The following CTNNA2 variants were observed in gnomAD, a reference collection of about 807,000 sequenced individuals.
The protein encoded by CTNNA2 is catenin alpha 2.
CTNNA2 carries 42 observed loss-of-function variants against 101.0 expected under a neutral mutation model. That is an observed-to-expected ratio of 0.42 (90% CI 0.32 to 0.54). CTNNA2 has a LOEUF of 0.54. Ranked by LOEUF, CTNNA2 falls within the 20% of genes least tolerant of loss-of-function variation. The probability of loss-of-function intolerance (pLI) is 0.14; values close to 1 mark genes in which losing one functional copy is unlikely to be tolerated. For synonymous variants in CTNNA2, 450 were observed against 456.4 expected (o/e 0.99, Z 0.18); for missense variants, 871 against 1,223.1 (o/e 0.71, Z 4.29).
chr2:80,205,990 G>A (rs956726789), intron 7 of CTNNA2, among the ~76,000 whole-genome samples: 2 of 152,104 alleles, frequency 1.3e-5, no homozygotes, highest in Non-Finnish European at 2.9e-5. Context: ...TTTAGATATA[G>A]CCTTTCACAT....
intron 9 of CTNNA2, among the ~76,000 whole-genome samples, chr2:80,503,248 A>G (rs1450666648): frequency 6.6e-6 from 1 of 152,214 alleles, no homozygotes; most frequent in Non-Finnish European, 1.5e-5. Context: ...AAATCTTTCA[A>G]TCATAGGATA....
chr2:79,686,274 T>A (rs902246855), intron 2 of CTNNA2, among the ~76,000 whole-genome samples: 3 of 152,076 alleles, frequency 2.0e-5, no homozygotes, highest in Admixed American at 1.3e-4. Context: ...AGGGTTCAAC[T>A]CAGGAGAAGG....
intron 1 of CTNNA2, among the ~76,000 whole-genome samples, chr2:79,187,265 C>CTTTTTTTTTTTTTTTT (rs1156460356): frequency 1.8e-4 from 15 of 83,402 alleles, no homozygotes; most frequent in African/African-American, 7.0e-4. Context: ...CTTTTCTTTT[C>CTTTTTTTTTTTTTTTT]TTTTCTTTTT....
At chr2:79,546,523 G>A (rs926034559) in intron 1 of CTNNA2, among the ~76,000 whole-genome samples, 1 of 152,120 alleles carries the variant, frequency 6.6e-6, no homozygotes, top group Non-Finnish European at 1.5e-5. Context: ...CTGGCAAATT[G>A]CTTCTGTTTA....
chr2:80,379,276 T>C (rs557336437), intron 7 of CTNNA2, among the ~76,000 whole-genome samples: 1 of 152,296 alleles, frequency 6.6e-6, no homozygotes, highest in East Asian at 1.9e-4. Context: ...TTTTATCTCT[T>C]TGTCCATCGT....
At chr2:80,578,918 A>G (rs1695297258) in intron 13 of CTNNA2, 2 of 152,072 alleles carry the variant, frequency 1.3e-5, no homozygotes, top group African/African-American at 4.8e-5. Flanking sequence ...TAGGTGTTAT[A>G]TTTTATTATT....
chr2:80,234,769 G>T (rs1045733907), intron 7 of CTNNA2, among the ~76,000 whole-genome samples: 1 of 152,030 alleles, frequency 6.6e-6, no homozygotes, highest in Non-Finnish European at 1.5e-5. Flanking sequence ...TGAAGACAGG[G>T]GAATGGTTAA....
At chr2:79,625,336 A>G (rs1169872483) in intron 1 of CTNNA2, among the ~76,000 whole-genome samples, 1 of 152,152 alleles carries the variant, frequency 6.6e-6, no homozygotes, top group African/African-American at 2.4e-5. Context: ...GGCTCTTAAT[A>G]GTTTAAAATG....
At chr2:80,267,111 C>T (rs1178642755) in intron 7 of CTNNA2, among the ~76,000 whole-genome samples, 3 of 152,140 alleles carry the variant, frequency 2.0e-5, no homozygotes, top group Non-Finnish European at 4.4e-5. Flanking sequence ...AGACATCCTT[C>T]CCTGAGGGCT....
At chr2:79,186,185 C>T (rs1673776973) in intron 1 of CTNNA2, among the ~76,000 whole-genome samples, 1 of 152,194 alleles carries the variant, frequency 6.6e-6, no homozygotes, top group South Asian at 2.1e-4. Context: ...TCACACTTTA[C>T]ACTTGATAGT....
At chr2:80,426,867 C>T (rs910937158) in intron 9 of CTNNA2, among the ~76,000 whole-genome samples, 3 of 152,010 alleles carry the variant, frequency 2.0e-5, no homozygotes, top group Non-Finnish European at 4.4e-5. Flanking sequence ...CCACTCTATC[C>T]TTTCCTCTAG....
intron 1 of CTNNA2, among the ~76,000 whole-genome samples, chr2:79,598,824 T>C (rs547728446): frequency 2.0e-5 from 3 of 152,334 alleles, no homozygotes; most frequent in African/African-American, 7.2e-5. Context: ...GTCTAGTTTA[T>C]CAATTATTTC....
chr2:79,827,365 T>C (rs1402477610), intron 3 of CTNNA2, among the ~76,000 whole-genome samples: 1 of 152,096 alleles, frequency 6.6e-6, no homozygotes, highest in East Asian at 1.9e-4. Flanking sequence ...AGGCAAATAA[T>C]TAGAATATTT....
rs1001685781 is a variant in CTNNA2, at chr2:79,869,943, A to G, written c.585+8A>G. 17 of 1,612,886 alleles carry G rather than the reference A, an allele frequency of 1.1e-5. No homozygotes were observed. In the African/African-American group the frequency reaches 1.1e-4, roughly 10 times the overall value. On this transcript the variant is annotated splice_region_variant and intron_variant, in intron 5 of 18. Transcript: ENST00000402739. ...GCAGCAAGAAGACAACAGGTGGGAA[A>G]GATTTTAGAAATGCTAGGGGAGAAA... is the stretch of plus-strand genomic sequence containing the variant.
Position 80,072,045 on chromosome 2 carries a change from G to A in CTNNA2, c.1056+162248G>A, listed in dbSNP as rs145068856. On this transcript the variant is annotated intron_variant, in intron 7 of 18. Transcript: ENST00000402739. Reference sequence around the variant, plus strand: ...TTGACCCTTTTCAGAGTCATGCAATGCTTCTTAAGCTGGAGTCTATAGATA... The same window carrying A: ...TTGACCCTTTTCAGAGTCATGCAATACTTCTTAAGCTGGAGTCTATAGATA... 2.9e-3 allele frequency among the ~76,000 whole-genome samples: 435 copies of A among 152,250 alleles called. 3 individuals carry two copies. The highest frequency in any genetic ancestry group is 9.8e-3 in the African/African-American group (408 of 41,540).
intron 4 of CTNNA2, among the ~76,000 whole-genome samples, chr2:79,489,321 A>G (rs75170341): frequency 0.013 from 1,968 of 152,248 alleles, 82 homozygotes; most frequent in East Asian, 0.13. Flanking sequence ...AGGGTCCAGA[A>G]CCTGATTAGA....
At chr2:80,432,074 A>G (rs1681581801) in intron 9 of CTNNA2, among the ~76,000 whole-genome samples, 1 of 152,152 alleles carries the variant, frequency 6.6e-6, no homozygotes, top group African/African-American at 2.4e-5. Context: ...ACATGAAATT[A>G]ATATAAAAAT....
chr2:80,420,880 G>C (rs947574842), intron 9 of CTNNA2, among the ~76,000 whole-genome samples: 2 of 152,216 alleles, frequency 1.3e-5, no homozygotes, highest in African/African-American at 4.8e-5. Context: ...ACTTCCTGCT[G>C]TAACCCCAAT....
chr2:80,334,882 G>T (rs1671638340), intron 7 of CTNNA2, among the ~76,000 whole-genome samples: 1 of 152,212 alleles, frequency 6.6e-6, no homozygotes, highest in South Asian at 2.1e-4. Flanking sequence ...TCCCAGATCA[G>T]CACGTGAGAA....
Sources: gnomAD v4.1 joint callset for allele counts (sites outside exome capture counted in the v4.1 genomes callset) on GRCh38, gnomAD v4.1.1 for gene constraint, MANE v1.5 for transcripts, NCBI Gene and HGNC (gene_info 2026-07-23, HGNC 2026-07-21) for gene names.